Variants in GNAS-AS1 observed in about 807,000 individuals in gnomAD.
GNAS-AS1 encodes GNAS antisense RNA 1 (non-protein coding).
chr20:58,847,445 T>C (rs770207992), intron 2 of GNAS-AS1, among the ~76,000 whole-genome samples: 6 of 152,254 alleles, frequency 3.9e-5, no homozygotes, highest in Non-Finnish European at 5.9e-5. Context: ...CAAGTCTTGA[T>C]TGAAAAGTAA....
chr20:58,841,624 C>G lies in GNAS-AS1; in HGVS notation n.819+313G>C, dbSNP rs2085732288. 9.4e-7 allele frequency: 1 copy of G among 1,067,552 alleles called. No individual in the cohort carries two copies. The highest frequency in any genetic ancestry group is 1.1e-6 in the Non-Finnish European group (1 of 883,386). The allele number at this position is 1,067,552 out of a possible 1,614,324, so 66.1% of individuals were successfully genotyped here. A position where few individuals can be genotyped will look rare whatever the true frequency, so the allele number is the denominator to read the frequency against. Reference sequence around the variant, plus strand: ...AGCGTGCGCACCTGCCCGCGCGCGCCGGAGCTGACCTCTCCCGGCGGCGGG... The same window carrying G: ...AGCGTGCGCACCTGCCCGCGCGCGCGGGAGCTGACCTCTCCCGGCGGCGGG... On this transcript the variant is annotated intron_variant and non_coding_transcript_variant, in intron 4 of 4. Coordinates refer to ENST00000424094, the Ensembl canonical transcript of GNAS-AS1. This position sits in a 1 kb window ranked among gnomAD's most constrained non-coding sequence, Gnocchi z 5.0.
intron 4 of GNAS-AS1, among the ~76,000 whole-genome samples, chr20:58,832,475 A>C (rs940698198): frequency 2.6e-5 from 4 of 152,238 alleles, no homozygotes; most frequent in African/African-American, 9.6e-5. Flanking sequence ...ATTCATATAG[A>C]AAAATAAATG....
intron 2 of GNAS-AS1, among the ~76,000 whole-genome samples, chr20:58,846,829 GC>G (rs2085957746): frequency 6.6e-6 from 1 of 152,206 alleles, no homozygotes; most frequent in South Asian, 2.1e-4. Context: ...ATGCCCAGAA[GC>G]CCCCAGGGTG....
chr20:58,822,442 G>A (rs2085493006), intron 4 of GNAS-AS1, among the ~76,000 whole-genome samples: 1 of 152,272 alleles, frequency 6.6e-6, no homozygotes, highest in Admixed American at 6.5e-5. Flanking sequence ...GAAGAGGCAG[G>A]CCCCAGAAAA....
At chr20:58,838,475 C>T (rs2085626380) in intron 4 of GNAS-AS1, among the ~76,000 whole-genome samples, 1 of 152,172 alleles carries the variant, frequency 6.6e-6, no homozygotes. Context: ...CTGATTCAAT[C>T]TCCTGATTCA....
In GNAS-AS1 at chr20:58,840,844, A is replaced by G. The variant is rs1244606179; in HGVS notation, n.819+1093T>C. ...GACCCATCCCCATCCGGCGTCACTA[A>G]TGGAGGACGCCGTCCAGATTCTCCT... is the stretch of plus-strand genomic sequence containing the variant. On this transcript the variant is annotated intron_variant and non_coding_transcript_variant, in intron 4 of 4. Coordinates refer to ENST00000424094, the Ensembl canonical transcript of GNAS-AS1. The surrounding 1 kb of genome is among the most constrained non-coding windows in gnomAD (Gnocchi z 6.0). The G allele has an allele frequency of 6.2e-7, 1 of 1,612,856 alleles. No homozygotes were observed. The highest frequency in any genetic ancestry group is 2.2e-5 in the East Asian group (1 of 44,852).
intron 4 of GNAS-AS1, among the ~76,000 whole-genome samples, chr20:58,820,292 C>T (rs2085477127): frequency 6.6e-6 from 1 of 152,254 alleles, no homozygotes; most frequent in Non-Finnish European, 1.5e-5. Context: ...AGAGCCCTGC[C>T]TCCTGGCCCA....
chr20:58,837,685 C>T (rs1421767840), intron 4 of GNAS-AS1, among the ~76,000 whole-genome samples: 1 of 152,214 alleles, frequency 6.6e-6, no homozygotes. Flanking sequence ...TCAAGTGACC[C>T]ACCCGCCTCG....
At chr20:58,823,173 C>T (rs1166538606) in intron 4 of GNAS-AS1, among the ~76,000 whole-genome samples, 2 of 152,196 alleles carry the variant, frequency 1.3e-5, no homozygotes, top group Admixed American at 6.5e-5. Flanking sequence ...ACTGAGCTTC[C>T]ATTTGGCCTG....
intron 4 of GNAS-AS1, among the ~76,000 whole-genome samples, chr20:58,831,427 A>C (rs1293330173): frequency 2.0e-5 from 3 of 152,256 alleles, no homozygotes; most frequent in African/African-American, 7.2e-5. Context: ...CTGTAATCCC[A>C]GAACTTTGGG....
Position 58,840,472 on chromosome 20 carries a change from G to A in GNAS-AS1, n.819+1465C>T, listed in dbSNP as rs936448388. On this transcript the variant is annotated intron_variant and non_coding_transcript_variant, in intron 4 of 4. Coordinates refer to ENST00000424094, the Ensembl canonical transcript of GNAS-AS1. The surrounding 1 kb of genome is among the most constrained non-coding windows in gnomAD (Gnocchi z 6.0). ...AGACCGAGTCCGAAATCGAGTCCGA[G>A]ACCGACTTCGAGACCGAGCCTGAGA... The A allele has an allele frequency of 8.1e-6, 13 of 1,613,546 alleles. 1 individual carries two copies. Among genetic ancestry groups the A allele is most frequent in the Non-Finnish European group, 1.1e-5 (13 of 1,179,904 alleles).
intron 2 of GNAS-AS1, among the ~76,000 whole-genome samples, chr20:58,846,919 C>G (rs565751817): frequency 6.6e-6 from 1 of 152,356 alleles, no homozygotes; most frequent in South Asian, 2.1e-4. Flanking sequence ...GAGATTCCCT[C>G]TTTCCCCTCC....
chr20:58,840,836 C>G lies in GNAS-AS1; in HGVS notation n.819+1101G>C, dbSNP rs1316920070. The G allele has an allele frequency of 6.2e-7, 1 of 1,612,794 alleles. No individual in the cohort carries two copies. Among genetic ancestry groups the G allele is most frequent in the Non-Finnish European group, 8.5e-7 (1 of 1,179,878 alleles). On this transcript the variant is annotated intron_variant and non_coding_transcript_variant, in intron 4 of 4. Coordinates refer to ENST00000424094, the Ensembl canonical transcript of GNAS-AS1. The surrounding 1 kb of genome is among the most constrained non-coding windows in gnomAD (Gnocchi z 6.0). ...CAAAAAGGGACCCATCCCCATCCGG[C>G]GTCACTAATGGAGGACGCCGTCCAG... is the stretch of plus-strand genomic sequence containing the variant.
chr20:58,849,304 C>A (rs1042490992), intron 1 of GNAS-AS1, among the ~76,000 whole-genome samples: 5 of 152,154 alleles, frequency 3.3e-5, no homozygotes, highest in Non-Finnish European at 5.9e-5. Flanking sequence ...GAAACCCCTT[C>A]CTCTGGTGTG....
chr20:58,838,507 C>G (rs1039052025), intron 4 of GNAS-AS1, among the ~76,000 whole-genome samples: 3 of 152,172 alleles, frequency 2.0e-5, no homozygotes, highest in African/African-American at 7.2e-5. Flanking sequence ...TCCAAAATAT[C>G]CTTTCCTTAA....
At chr20:58,844,040 G>C (rs528144563) in intron 2 of GNAS-AS1, 1 of 152,348 alleles carries the variant, frequency 6.6e-6, no homozygotes, top group South Asian at 2.1e-4. Flanking sequence ...CTGTGTGGAA[G>C]GTTAAGGAGG....
intron 4 of GNAS-AS1, among the ~76,000 whole-genome samples, chr20:58,832,119 G>A (rs1343279607): frequency 3.9e-5 from 6 of 152,116 alleles, no homozygotes; most frequent in Non-Finnish European, 5.9e-5. Flanking sequence ...TGAGAAAAAC[G>A]TACAAAAATC....
chr20:58,827,184 T>C (rs1346700720), intron 4 of GNAS-AS1, among the ~76,000 whole-genome samples: 1 of 152,124 alleles, frequency 6.6e-6, no homozygotes, highest in Non-Finnish European at 1.5e-5. Flanking sequence ...GTTCAACTTT[T>C]CTTGACAGGC....
At chr20:58,819,338 C>T (rs2085469525) in intron 4 of GNAS-AS1, 1 of 397,912 alleles carries the variant, frequency 2.5e-6, no homozygotes, top group East Asian at 3.6e-5. Flanking sequence ...CAGGCGCACA[C>T]ACACTCACCT....
Sources: allele counts gnomAD v4.1 joint callset (sites outside exome capture counted in the v4.1 genomes callset), GRCh38; gene constraint gnomAD v4.1.1; non-coding constraint Gnocchi (gnomAD v3.1); transcripts MANE v1.5; gene names NCBI Gene and HGNC (gene_info 2026-07-23, HGNC 2026-07-21).